The following ADGRB3 variants were observed in gnomAD, a reference collection of about 807,000 sequenced individuals.
The protein encoded by ADGRB3 is adhesion G protein-coupled receptor B3, also known as brain-specific angiogenesis inhibitor 3.
In ADGRB3, 37 loss-of-function variants were observed where a neutral mutation model predicts 193.4. That is an observed-to-expected ratio of 0.19 (90% CI 0.15 to 0.25). The LOEUF is 0.25. Among genes scored for constraint, ADGRB3 ranks in the 10% least tolerant of loss-of-function variants. ADGRB3 has a pLI of 1.00. For missense variants in ADGRB3, 1,637 were observed against 1,852.9 expected (o/e 0.88, Z 2.14); for synonymous variants, 690 against 644.2 (o/e 1.07, Z -1.08).
chr6:69,080,669 T>C (rs1019265249), intron 17 of ADGRB3, among the ~76,000 whole-genome samples: 5 of 151,720 alleles, frequency 3.3e-5, no homozygotes, highest in Non-Finnish European at 7.4e-5. Flanking sequence ...AAAAAAAAAG[T>C]CTGTATTAAA....
At chr6:69,346,660 C>A (rs1382355745) in intron 26 of ADGRB3, among the ~76,000 whole-genome samples, 1 of 152,350 alleles carries the variant, frequency 6.6e-6, no homozygotes, top group African/African-American at 2.4e-5. Flanking sequence ...GAGATACCGT[C>A]TCATGCCAGT....
intron 3 of ADGRB3, among the ~76,000 whole-genome samples, chr6:68,669,090 C>T (rs568885791): frequency 4.0e-5 from 6 of 151,748 alleles, no homozygotes; most frequent in Non-Finnish European, 5.9e-5. Context: ...AATGTGTGAG[C>T]GCATGGTAGG....
intron 10 of ADGRB3, among the ~76,000 whole-genome samples, chr6:68,988,583 C>G (rs569556546): frequency 6.6e-6 from 1 of 152,106 alleles, no homozygotes; most frequent in Non-Finnish European, 1.5e-5. Context: ...TATAGCTTCT[C>G]TCAAAAGAAA....
At chr6:68,953,593 T>G (rs1767989571) in intron 6 of ADGRB3, among the ~76,000 whole-genome samples, 1 of 152,216 alleles carries the variant, frequency 6.6e-6, no homozygotes, top group Non-Finnish European at 1.5e-5. Flanking sequence ...ATTGCTTCAC[T>G]AGAATTTTCT....
chr6:69,367,919 C>G (rs546938061), intron 29 of ADGRB3, among the ~76,000 whole-genome samples: 2 of 145,700 alleles, frequency 1.4e-5, no homozygotes, highest in East Asian at 4.1e-4. Flanking sequence ...ACCGCATATT[C>G]TCACTCATAG....
intron 3 of ADGRB3, among the ~76,000 whole-genome samples, chr6:68,877,410 C>T (rs370373990): frequency 6.6e-6 from 1 of 151,886 alleles, no homozygotes; most frequent in South Asian, 2.1e-4. Flanking sequence ...TCAGAACAAT[C>T]GCTTATCAAG....
chr6:69,186,944 G>GT (rs61067182), intron 17 of ADGRB3, among the ~76,000 whole-genome samples: 28,245 of 137,632 alleles, frequency 0.21, 3,014 homozygotes, highest in Middle Eastern at 0.31. Context: ...TTTGTTTTTT[G>GT]TTTTTTTTTT....
At chr6:69,009,310 G>C (rs1307839308) in intron 11 of ADGRB3, among the ~76,000 whole-genome samples, 2 of 152,078 alleles carry the variant, frequency 1.3e-5, no homozygotes, top group African/African-American at 4.8e-5. Flanking sequence ...TAACTGGGGA[G>C]GGGGGAGTGA....
At position 69,286,003 on chromosome 6, in the gene ADGRB3, C is replaced by CA. The variant is rs773567658; in HGVS notation, c.2815-38868dup. On this transcript the variant is annotated intron_variant, in intron 20 of 31. Coordinates refer to ENST00000370598, the MANE Select transcript of ADGRB3 (RefSeq NM_001704.3). ...TGCCTGTGCTTTCCAATACAGCCCC[C>CA]ACTCATACTGGGTTTGTCACTTTTG... Among the ~76,000 whole-genome samples the CA allele has an allele frequency of 4.4e-4, 67 of 152,174 alleles. 1 individual carries two copies. The highest frequency in any genetic ancestry group is 7.8e-4 in the Non-Finnish European group (53 of 67,996).
intron 20 of ADGRB3, among the ~76,000 whole-genome samples, chr6:69,315,210 T>C (rs1200542147): frequency 1.3e-5 from 2 of 151,444 alleles, no homozygotes; most frequent in Middle Eastern, 3.2e-3. Flanking sequence ...AGGCAACATG[T>C]TATAGTGGAA....
intron 20 of ADGRB3, among the ~76,000 whole-genome samples, chr6:69,313,069 G>A (rs562206242): frequency 6.6e-6 from 1 of 151,910 alleles, no homozygotes; most frequent in African/African-American, 2.4e-5. Flanking sequence ...TTTGCACAAG[G>A]TCACACATTT....
chr6:69,268,091 T>C (rs1451881419), intron 20 of ADGRB3, among the ~76,000 whole-genome samples: 1 of 152,190 alleles, frequency 6.6e-6, no homozygotes, highest in Non-Finnish European at 1.5e-5. Context: ...ATTCAGCATG[T>C]ATTCTCGTCT....
At chr6:69,336,008 A>G (rs1430709334) in intron 24 of ADGRB3, among the ~76,000 whole-genome samples, 3 of 152,028 alleles carry the variant, frequency 2.0e-5, no homozygotes, top group African/African-American at 7.2e-5. Context: ...GTTTTATAAT[A>G]CACAAACTAT....
intron 17 of ADGRB3, among the ~76,000 whole-genome samples, chr6:69,135,451 C>A (rs1482424754): frequency 6.6e-6 from 1 of 151,880 alleles, no homozygotes; most frequent in African/African-American, 2.4e-5. Context: ...TTGTAAAAAC[C>A]ATGTTCTCTT....
At chr6:68,963,864 C>A (rs1768304685) in intron 8 of ADGRB3, among the ~76,000 whole-genome samples, 1 of 152,080 alleles carries the variant, frequency 6.6e-6, no homozygotes, top group East Asian at 1.9e-4. Flanking sequence ...ATGATTATAT[C>A]TGTTGAAATT....
At chr6:69,180,776 C>G (rs527237433) in intron 17 of ADGRB3, among the ~76,000 whole-genome samples, 1 of 152,142 alleles carries the variant, frequency 6.6e-6, no homozygotes, top group African/African-American at 2.4e-5. Context: ...CTGTGGAGGC[C>G]CCTACCCGAC....
chr6:69,236,858 C>T (rs1766277117), intron 19 of ADGRB3, among the ~76,000 whole-genome samples: 1 of 151,986 alleles, frequency 6.6e-6, no homozygotes, highest in Non-Finnish European at 1.5e-5. Context: ...ATTACCAAAA[C>T]AATTCAAAGG....
At chr6:69,361,599 GAT>G in intron 29 of ADGRB3, 87 bp downstream of exon 29, 1 of 1,398,726 alleles carries the variant, frequency 7.1e-7, no homozygotes, top group Non-Finnish European at 9.7e-7. Flanking sequence ...TTGATTGATT[GAT>G]GTGACACTGG....
chr6:69,150,481 G>A (rs1774642535), intron 17 of ADGRB3, among the ~76,000 whole-genome samples: 1 of 152,080 alleles, frequency 6.6e-6, no homozygotes, highest in African/African-American at 2.4e-5. Context: ...TATGCTTCCA[G>A]GCCTGGGACT....
Sources: allele counts gnomAD v4.1 joint callset (sites outside exome capture counted in the v4.1 genomes callset), GRCh38; gene constraint gnomAD v4.1.1; transcripts MANE v1.5; gene names NCBI Gene and HGNC (gene_info 2026-07-23, HGNC 2026-07-21).